Variants in NCAM2 observed in about 807,000 individuals in gnomAD.
NCAM2 encodes N-CAM-2.
A neutral mutation model predicts 98.1 loss-of-function variants in NCAM2; 30 were observed. The observed-to-expected ratio is 0.31, with a 90% CI of 0.23 to 0.41. NCAM2 has a LOEUF of 0.41. Ranked by LOEUF, NCAM2 falls within the 10% of genes least tolerant of loss-of-function variation. NCAM2 has a pLI of 1.00. For synonymous variants in NCAM2, 368 were observed against 342.4 expected (o/e 1.07, Z -0.83); for missense variants, 867 against 1,005.8 (o/e 0.86, Z 1.87).
At chr21:21,096,217 T>G (rs543715740) in intron 1 of NCAM2, among the ~76,000 whole-genome samples, 2 of 151,784 alleles carry the variant, frequency 1.3e-5, no homozygotes, top group South Asian at 4.1e-4. Flanking sequence ...GATAAGTTGT[T>G]GACTTTAAAT....
rs192711592 is a variant in NCAM2 at position 21,419,145 on chromosome 21, A to C, written c.1480+576A>C. ...TACATTTTTATAGGTAACAATACAG[A>C]TTGCTTTTTATAAAGAATGAATCAC... On this transcript the variant is annotated intron_variant, in intron 11 of 17. Transcript: ENST00000400546. Among the ~76,000 whole-genome samples the C allele has an allele frequency of 5.0e-3, 768 of 152,174 alleles. 9 individuals carry two copies. Among genetic ancestry groups the C allele is most frequent in the African/African-American group, 0.017 (726 of 41,536 alleles).
At chr21:21,038,348 A>T (rs1391477060) in intron 1 of NCAM2, among the ~76,000 whole-genome samples, 2 of 152,192 alleles carry the variant, frequency 1.3e-5, no homozygotes, top group Non-Finnish European at 2.9e-5. Flanking sequence ...TTGTTTAGAA[A>T]ATGCAAATCC....
At position 21,474,963 on chromosome 21, in the gene NCAM2, T is replaced by A. The variant is rs1984967151; in HGVS notation, c.1897-2328T>A. Among the ~76,000 whole-genome samples, 4 of 150,944 alleles carry A rather than the reference T, an allele frequency of 2.6e-5. No individual in the cohort carries two copies. The South Asian group carries it at 8.3e-4, about 31-fold the overall frequency. On this transcript the variant is annotated intron_variant, in intron 14 of 17. Transcript: ENST00000400546. ...TTTTGGGTTGACTTTTTAAGCTTTT[T>A]TGTTCTATGTAGGTCTATATATATA...
At chr21:21,264,804 A>G (rs1386634834) in intron 1 of NCAM2, among the ~76,000 whole-genome samples, 1 of 132,410 alleles carries the variant, frequency 7.6e-6, no homozygotes, top group Non-Finnish European at 1.6e-5. Flanking sequence ...TCCACTATAT[A>G]TATACACACA....
intron 8 of NCAM2, among the ~76,000 whole-genome samples, chr21:21,350,512 A>G (rs1462723114): frequency 1.3e-5 from 2 of 152,158 alleles, no homozygotes; most frequent in African/African-American, 2.4e-5. Flanking sequence ...CTCATATTCT[A>G]CTGGTTTCTG....
intron 1 of NCAM2, among the ~76,000 whole-genome samples, chr21:21,068,830 A>G (rs9982665): frequency 0.037 from 5,637 of 152,200 alleles, 326 homozygotes; most frequent in African/African-American, 0.13. Flanking sequence ...TTAATATTCC[A>G]GTTTGTGAAG....
intron 5 of NCAM2, among the ~76,000 whole-genome samples, chr21:21,309,148 A>C (rs536521642): frequency 6.6e-6 from 1 of 152,246 alleles, no homozygotes; most frequent in Admixed American, 6.5e-5. Flanking sequence ...ATCATCTGTT[A>C]TTCCTGGGTT....
chr21:21,543,001 TA>T lies in NCAM2; in HGVS notation c.*5047del. On this transcript the variant is annotated 3_prime_UTR_variant, in exon 18 of 18. Coordinates refer to ENST00000400546, the MANE Select transcript of NCAM2 (RefSeq NM_004540.5). The stretch of plus-strand genomic sequence containing the variant: ...TGTTAGAAATATGTGAAGTTAGAAA[TA>T]AAGGTTTTTTTAAAAAAAAAGCTTT... 1 of 103,686 alleles carries T rather than the reference TA, an allele frequency of 9.6e-6. No individual in the cohort carries two copies. The highest frequency in any genetic ancestry group is 2.6e-4 in the South Asian group (1 of 3,888). The allele number at this position is 103,686 out of a possible 1,614,324, so 6.4% of individuals were successfully genotyped here.
At chr21:21,220,636 A>G (rs2070109664) in intron 1 of NCAM2, among the ~76,000 whole-genome samples, 1 of 152,124 alleles carries the variant, frequency 6.6e-6, no homozygotes, top group Non-Finnish European at 1.5e-5. Context: ...CCTTTCATGT[A>G]TTATACTCGA....
chr21:21,393,333 G>C (rs1017544408), intron 9 of NCAM2, among the ~76,000 whole-genome samples: 4 of 152,046 alleles, frequency 2.6e-5, no homozygotes, highest in Non-Finnish European at 5.9e-5. Context: ...GTACCATGCT[G>C]TTTTGGTTAT....
rs759246935 is a variant in NCAM2, at chr21:21,477,395, A to G, written c.2001A>G (p.Thr667=). ...QWTMGYEVQI[T]AANRLGYSEP... is the part of the protein sequence containing the mutation. The stretch of plus-strand genomic sequence containing the variant: ...CCATGGGGTATGAAGTTCAGATTAC[A>G]GCTGCCAATAGATTGGGATATTCTG... The change falls in exon 15 of 18, where the codon ACA becomes ACG. Residue 667 remains threonine, a synonymous_variant. Transcript: ENST00000400546. 3.7e-6 allele frequency: 6 copies of G among 1,612,136 alleles called. No homozygotes were observed. The Admixed American group carries it at 1.0e-4, about 27-fold the overall frequency.
chr21:21,316,138 T>A (rs1281637344), intron 5 of NCAM2, among the ~76,000 whole-genome samples: 1 of 152,212 alleles, frequency 6.6e-6, no homozygotes, highest in Admixed American at 6.5e-5. Context: ...AAAGCCATAC[T>A]TTTCTTAGTT....
chr21:21,184,051 G>A (rs376325459), intron 1 of NCAM2, among the ~76,000 whole-genome samples: 8 of 151,892 alleles, frequency 5.3e-5, no homozygotes, highest in South Asian at 2.1e-4. Flanking sequence ...AAAAACATTC[G>A]TTTTCTAATA....
chr21:21,025,041 T>A (rs2064514930), intron 1 of NCAM2, among the ~76,000 whole-genome samples: 1 of 152,214 alleles, frequency 6.6e-6, no homozygotes, highest in Non-Finnish European at 1.5e-5. Flanking sequence ...AAATACACAC[T>A]ATGGTCTTTT....
Position 21,172,836 on chromosome 21 carries a change from A to G in NCAM2, c.56-107742A>G, listed in dbSNP as rs1402712574. Among the ~76,000 whole-genome samples, 5 of 152,144 alleles carry G rather than the reference A, an allele frequency of 3.3e-5. No homozygotes were observed. The East Asian group carries it at 7.7e-4, about 23-fold the overall frequency. On this transcript the variant is annotated intron_variant, in intron 1 of 17. Coordinates refer to ENST00000400546, the MANE Select transcript of NCAM2 (RefSeq NM_004540.5). Reference sequence around the variant, plus strand: ...TTACGGACATCTGTAGTCTCTTCACATATACTTCTCAACTTATTTTCCAAA... The same window carrying G: ...TTACGGACATCTGTAGTCTCTTCACGTATACTTCTCAACTTATTTTCCAAA...
At chr21:21,479,763 G>A (rs1352137179) in intron 15 of NCAM2, among the ~76,000 whole-genome samples, 2 of 104,478 alleles carry the variant, frequency 1.9e-5, no homozygotes, top group Admixed American at 8.6e-5. Flanking sequence ...TGAGAAACTC[G>A]TGTCCTGAGA....
At chr21:21,114,522 A>G (rs749168115) in intron 1 of NCAM2, among the ~76,000 whole-genome samples, 9 of 152,188 alleles carry the variant, frequency 5.9e-5, no homozygotes, top group Non-Finnish European at 1.3e-4. Context: ...CCATAGGAAA[A>G]GCTTAGTAAC....
chr21:21,521,083 G>A (rs923374981), intron 16 of NCAM2, among the ~76,000 whole-genome samples: 3 of 152,080 alleles, frequency 2.0e-5, no homozygotes, highest in African/African-American at 4.8e-5. Context: ...AGCCTAACAT[G>A]GGGTTTTTAA....
intron 6 of NCAM2, among the ~76,000 whole-genome samples, chr21:21,335,235 G>A (rs981423451): frequency 2.0e-5 from 3 of 151,968 alleles, no homozygotes; most frequent in African/African-American, 4.8e-5. Flanking sequence ...AAATTGAACT[G>A]ATATACTTTT....
Sources: allele counts gnomAD v4.1 joint callset (sites outside exome capture counted in the v4.1 genomes callset), GRCh38; gene constraint gnomAD v4.1.1; transcripts MANE v1.5; gene names NCBI Gene and HGNC (gene_info 2026-07-23, HGNC 2026-07-21).